SLC13A3: variants seen among roughly 807,000 people sequenced by gnomAD.
The protein encoded by SLC13A3 is solute carrier family 13 member 3, also known as Na(+)/dicarboxylate cotransporter 3.
Under a neutral mutation model 59.0 loss-of-function variants are expected in SLC13A3, and 40 were observed. The ratio of observed to expected loss-of-function variants is 0.68; its 90% confidence interval spans 0.53 to 0.88. The LOEUF is 0.88. Ranked by LOEUF, SLC13A3 falls within the 40% of genes least tolerant of loss-of-function variation. The probability of loss-of-function intolerance (pLI) is 0.00; values close to 1 mark genes in which losing one functional copy is unlikely to be tolerated. For missense variants in SLC13A3, 699 were observed against 783.2 expected (o/e 0.89, Z 1.28); for synonymous variants, 317 against 330.3 (o/e 0.96, Z 0.44).
chr20:46,621,650 C>T (rs1009614179), intron 1 of SLC13A3, among the ~76,000 whole-genome samples: 7 of 152,146 alleles, frequency 4.6e-5, no homozygotes, highest in South Asian at 2.1e-4. Flanking sequence ...ACATTCTGCA[C>T]GGACAGAATA....
intron 3 of SLC13A3, among the ~76,000 whole-genome samples, chr20:46,604,374 T>G (rs2062414818): frequency 6.6e-6 from 1 of 152,166 alleles, no homozygotes; most frequent in Non-Finnish European, 1.5e-5. Flanking sequence ...AAATGATAAC[T>G]CAGCTTGTTT....
At chr20:46,584,363 C>T (rs1346308232) in intron 8 of SLC13A3, 6 of 985,222 alleles carry the variant, frequency 6.1e-6, no homozygotes, top group Middle Eastern at 5.2e-4. Context: ...TTTTTATTTG[C>T]AGCATTGGAC....
chr20:46,634,824 T>A (rs1265479542), intron 1 of SLC13A3, among the ~76,000 whole-genome samples: 1 of 152,192 alleles, frequency 6.6e-6, no homozygotes, highest in Non-Finnish European at 1.5e-5. Flanking sequence ...CCTCTCTCTT[T>A]GCCTCAGTCT....
At chr20:46,610,122 C>T (rs1343831999) in intron 3 of SLC13A3, among the ~76,000 whole-genome samples, 3 of 152,172 alleles carry the variant, frequency 2.0e-5, no homozygotes, top group African/African-American at 7.2e-5. Context: ...TGATGCTGAG[C>T]ATCTCTTTGA....
chr20:46,651,425 C>G lies in SLC13A3; in HGVS notation c.-4G>C. ...CCGCTGCTGCCAGCGCCGCCATCAGCGCGATCGCCTGGCGGTACGGGCCGG... is the reference window on the plus strand; with the variant it reads ...CCGCTGCTGCCAGCGCCGCCATCAGGGCGATCGCCTGGCGGTACGGGCCGG... On this transcript the variant is annotated 5_prime_UTR_variant, in exon 1 of 13. Transcript: ENST00000279027. 1 of 1,479,336 alleles carries G rather than the reference C, an allele frequency of 6.8e-7. No homozygotes were observed. The highest frequency in any genetic ancestry group is 1.3e-5 in the South Asian group (1 of 76,364). 91.6% of individuals were successfully genotyped at this position (1,479,336 alleles called of 1,614,324 possible).
At chr20:46,594,436 A>G (rs1385801319) in intron 5 of SLC13A3, among the ~76,000 whole-genome samples, 1 of 151,998 alleles carries the variant, frequency 6.6e-6, no homozygotes, top group Non-Finnish European at 1.5e-5. Flanking sequence ...CTCCATCCCC[A>G]ACCTAGGCTC....
At chr20:46,640,884 C>T (rs6017948) in intron 1 of SLC13A3, among the ~76,000 whole-genome samples, 31,296 of 152,110 alleles carry the variant, frequency 0.21, 6,028 homozygotes, top group African/African-American at 0.49. Context: ...TCAGGAAACA[C>T]GATCTTGCTC....
At chr20:46,612,124 CTTTT>C (rs57019153) in intron 2 of SLC13A3, among the ~76,000 whole-genome samples, 4 of 68,934 alleles carry the variant, frequency 5.8e-5, no homozygotes, top group African/African-American at 2.7e-4. Flanking sequence ...TCTCTCTTTG[CTTTT>C]TTTTTTTTTT....
At chr20:46,573,577 A>T (rs1174998637) in intron 10 of SLC13A3, among the ~76,000 whole-genome samples, 1 of 152,194 alleles carries the variant, frequency 6.6e-6, no homozygotes, top group Non-Finnish European at 1.5e-5. Context: ...AGAAACCATG[A>T]CATGAGGATT....
rs1168054428 is a variant in SLC13A3 at position 46,566,197 on chromosome 20, G to A, written c.1494+32C>T. 3.1e-6 allele frequency: 5 copies of A among 1,588,454 alleles called. No individual in the cohort carries two copies. In the Admixed American group the frequency reaches 8.4e-5, roughly 27 times the overall value. ...ATTTCTGAATGTGTGTTGGGGGAGGGGTGCTCCCCTCTTCCCCAGAAGGAC... is the reference window on the plus strand; with the variant it reads ...ATTTCTGAATGTGTGTTGGGGGAGGAGTGCTCCCCTCTTCCCCAGAAGGAC... On this transcript the variant is annotated intron_variant, in intron 11 of 12. Transcript: ENST00000279027.
intron 1 of SLC13A3, among the ~76,000 whole-genome samples, chr20:46,663,673 A>G (rs2063045265): frequency 6.6e-6 from 1 of 152,184 alleles, no homozygotes; most frequent in African/African-American, 2.4e-5. Context: ...AAATAACCCT[A>G]TGAAATAGGT....
intron 1 of SLC13A3, among the ~76,000 whole-genome samples, chr20:46,642,803 G>A (rs1048371907): frequency 2.0e-5 from 3 of 152,188 alleles, no homozygotes. Context: ...TTCCCGGAGT[G>A]TCCAGGGTCA....
intron 1 of SLC13A3, among the ~76,000 whole-genome samples, chr20:46,626,607 T>C (rs1478029198): frequency 2.0e-5 from 3 of 152,176 alleles, no homozygotes; most frequent in Non-Finnish European, 2.9e-5. Context: ...CTGAGCTTCC[T>C]GTGGGCAAAT....
Position 46,651,311 on chromosome 20 carries a change from C to T in SLC13A3, c.111G>A (p.Lys37=), listed in dbSNP as rs893343682. 6.6e-7 allele frequency: 1 copy of T among 1,504,016 alleles called. No homozygotes were observed. The highest frequency in any genetic ancestry group is 8.9e-7 in the Non-Finnish European group (1 of 1,128,220). The allele number at this position is 1,504,016 out of a possible 1,614,324, so 93.2% of individuals were successfully genotyped here. The change falls in exon 1 of 13, where the codon AAG becomes AAA. Residue 37 remains lysine, a splice_region_variant and synonymous_variant. Coordinates refer to ENST00000279027, the MANE Select transcript of SLC13A3 (RefSeq NM_022829.6). ...GGCGCACAGGCGGAGGAGGCGTTACCTTGGGCGGGAGGGCGAAGACCACCG... is the reference window on the plus strand; with the variant it reads ...GGCGCACAGGCGGAGGAGGCGTTACTTTGGGCGGGAGGGCGAAGACCACCG... The part of the protein sequence containing the change: ...LLPVVFALPP[K]EGRCLFVILL...
intron 6 of SLC13A3, among the ~76,000 whole-genome samples, chr20:46,591,542 T>C (rs935553091): frequency 4.6e-5 from 7 of 152,252 alleles, no homozygotes; most frequent in African/African-American, 1.7e-4. Context: ...TCTCTGGGTC[T>C]GAAGCTTGCT....
intron 1 of SLC13A3, among the ~76,000 whole-genome samples, chr20:46,630,045 A>T (rs933487443): frequency 3.9e-5 from 6 of 152,144 alleles, no homozygotes; most frequent in African/African-American, 1.4e-4. Flanking sequence ...GCTGGCCCAC[A>T]GGTATCTAAG....
At position 46,573,848 on chromosome 20, in the gene SLC13A3, T is replaced by C. The variant is rs2062049700; in HGVS notation, c.1332+1725A>G. ...GTACACAGTTAACAGGCGTCCAACA[T>C]TGTAACTTCATTTGAAACTGAAAAT... On this transcript the variant is annotated intron_variant, in intron 10 of 12. Transcript: ENST00000279027. Among the ~76,000 whole-genome samples the C allele has an allele frequency of 5.3e-5, 8 of 152,218 alleles. No individual in the cohort carries two copies. The South Asian group carries it at 1.0e-3, about 20-fold the overall frequency.
At chr20:46,573,143 T>A (rs2062045163) in intron 10 of SLC13A3, among the ~76,000 whole-genome samples, 1 of 152,280 alleles carries the variant, frequency 6.6e-6, no homozygotes, top group African/African-American at 2.4e-5. Context: ...ATGTGTTTTT[T>A]AATTAATAAA....
intron 1 of SLC13A3, among the ~76,000 whole-genome samples, chr20:46,625,995 C>T (rs2062664946): frequency 6.6e-6 from 1 of 152,124 alleles, no homozygotes; most frequent in African/African-American, 2.4e-5. Context: ...TTGGAGGTGA[C>T]ATCCTGTGAG....
Sources: gnomAD v4.1 joint callset for allele counts (sites outside exome capture counted in the v4.1 genomes callset) on GRCh38, gnomAD v4.1.1 for gene constraint, MANE v1.5 for transcripts, NCBI Gene and HGNC (gene_info 2026-07-23, HGNC 2026-07-21) for gene names.